STK10: variants seen among roughly 807,000 people sequenced by gnomAD.
STK10 encodes the protein serine/threonine-protein kinase 10.
In STK10, 78 loss-of-function variants were observed where a neutral mutation model predicts 113.8. The observed-to-expected ratio is 0.69, with a 90% CI of 0.57 to 0.83. The LOEUF (loss-of-function observed/expected upper bound fraction) is 0.83, where lower values mean the gene tolerates loss of function less well. Ranked by LOEUF, STK10 falls within the 40% of genes least tolerant of loss-of-function variation. The probability of loss-of-function intolerance (pLI) is 0.00; values close to 1 mark genes in which losing one functional copy is unlikely to be tolerated. For missense variants in STK10, 1,109 were observed against 1,280.1 expected (o/e 0.87, Z 2.04); for synonymous variants, 465 against 494.7 (o/e 0.94, Z 0.80).
chr5:172,170,805 G>A (rs1001909712), intron 1 of STK10, among the ~76,000 whole-genome samples: 23 of 152,206 alleles, frequency 1.5e-4, no homozygotes, highest in African/African-American at 5.3e-4. Context: ...AAGGAGGCGT[G>A]AAAGGTGCCC....
intron 3 of STK10, among the ~76,000 whole-genome samples, chr5:172,125,024 G>A (rs1248850392): frequency 3.9e-5 from 6 of 152,136 alleles, no homozygotes; most frequent in Non-Finnish European, 7.4e-5. Flanking sequence ...TTATGCGTTT[G>A]TTGCAAATTT....
intron 16 of STK10, 27 bp from the exon 17 acceptor site, chr5:172,054,721 C>T: frequency 1.2e-6 from 2 of 1,605,102 alleles, no homozygotes; most frequent in Non-Finnish European, 1.7e-6. Context: ...GTGGGTGCCT[C>T]AGGGGACCAG....
Position 172,057,372 on chromosome 5 carries a change from C to G in STK10, c.2314G>C (p.Glu772Gln), listed in dbSNP as rs1767828346. Residue 772 changes from glutamate to glutamine, a missense_variant, in exon 15 of 19, where the codon GAG becomes CAG. By Grantham distance (29) the Glu-to-Gln change is conservative. Coordinates refer to ENST00000176763, the MANE Select transcript of STK10 (RefSeq NM_005990.4). The stretch of plus-strand genomic sequence containing the variant: ...ACCTTCTCATGCTTGCGCAGCAGCT[C>G]GTGCCGCTGGAGGAAGTACTGGTCT... The part of the protein sequence containing the change: ...LKDQYFLQRH[E>Q]LLRKHEKERE... 1.9e-6 allele frequency: 3 copies of G among 1,570,392 alleles called. No homozygotes were observed. The highest frequency in any genetic ancestry group is 2.1e-4 in the Middle Eastern group (1 of 4,668).
At chr5:172,171,053 A>C (rs975710666) in intron 1 of STK10, among the ~76,000 whole-genome samples, 2 of 152,230 alleles carry the variant, frequency 1.3e-5, no homozygotes, top group Admixed American at 6.5e-5. Context: ...TCCATTCATG[A>C]ACTCTGTTTT....
chr5:172,066,485 C>T (rs1355945820), intron 12 of STK10, among the ~76,000 whole-genome samples: 1 of 152,084 alleles, frequency 6.6e-6, no homozygotes, highest in African/African-American at 2.4e-5. Flanking sequence ...GGGATGAATC[C>T]CAAAGAGAAG....
At chr5:172,163,027 CACGGACCA>C (rs1770501044) in intron 1 of STK10, among the ~76,000 whole-genome samples, 1 of 152,184 alleles carries the variant, frequency 6.6e-6, no homozygotes, top group African/African-American at 2.4e-5. Context: ...TAGTAGGAAC[CACGGACCA>C]AAAAGTGACT....
chr5:172,169,115 G>A (rs943913749), intron 1 of STK10, among the ~76,000 whole-genome samples: 1 of 151,794 alleles, frequency 6.6e-6, no homozygotes, highest in Admixed American at 6.6e-5. Flanking sequence ...CAGCAAAATC[G>A]AACTCAACCC....
intron 1 of STK10, among the ~76,000 whole-genome samples, chr5:172,172,420 C>A (rs767605096): frequency 9.9e-5 from 15 of 152,202 alleles, no homozygotes; most frequent in Admixed American, 2.6e-4. Context: ...CCAAGCTATA[C>A]CCGTGTTCCA....
rs1768450315 is a variant in STK10, at chr5:172,082,287, A to G, written c.1989+39T>C. 1 of 1,468,114 alleles carries G rather than the reference A, an allele frequency of 6.8e-7. No individual in the cohort carries two copies. Among genetic ancestry groups the G allele is most frequent in the African/African-American group, 1.5e-5 (1 of 68,682 alleles). 90.9% of individuals were successfully genotyped at this position (1,468,114 alleles called of 1,614,324 possible). A position where few individuals can be genotyped will look rare whatever the true frequency, so the allele number is the denominator to read the frequency against. ...ACTTGCAACCAAGAAGGCCCCTAAT[A>G]CTCCGAGATGCCCCTGCCCCCACTG... On this transcript the variant is annotated intron_variant, in intron 12 of 18. Coordinates refer to ENST00000176763, the MANE Select transcript of STK10 (RefSeq NM_005990.4). The surrounding 1 kb of genome is among the most constrained non-coding windows in gnomAD (Gnocchi z 4.3).
chr5:172,164,484 TG>T (rs1275758348), intron 1 of STK10, among the ~76,000 whole-genome samples: 4 of 152,200 alleles, frequency 2.6e-5, no homozygotes, highest in African/African-American at 9.7e-5. Context: ...AGAAAACCGA[TG>T]CTTAGAGAGA....
intron 1 of STK10, among the ~76,000 whole-genome samples, chr5:172,172,313 C>A (rs998437621): frequency 1.4e-4 from 22 of 152,238 alleles, no homozygotes; most frequent in African/African-American, 5.3e-4. Flanking sequence ...TTGAGCAGCT[C>A]CCTATCATGG....
chr5:172,055,022 T>C (rs1451372026), intron 16 of STK10, among the ~76,000 whole-genome samples: 1 of 151,980 alleles, frequency 6.6e-6, no homozygotes, highest in African/African-American at 2.4e-5. Flanking sequence ...GCTGGCCAAA[T>C]AAAAGTGTGG....
chr5:172,071,304 A>G (rs1768176935), intron 12 of STK10, among the ~76,000 whole-genome samples: 1 of 144,900 alleles, frequency 6.9e-6, no homozygotes. Flanking sequence ...AAAAAAGAAG[A>G]AGAAATAGAT....
intron 1 of STK10, among the ~76,000 whole-genome samples, chr5:172,157,959 C>G (rs1355965719): frequency 6.6e-6 from 1 of 152,146 alleles, no homozygotes; most frequent in Non-Finnish European, 1.5e-5. Context: ...CACGCACTAA[C>G]AGTAGAATGA....
At position 172,137,450 on chromosome 5, in the gene STK10, A is replaced by AT. The variant is rs529573395; in HGVS notation, c.322-10030dup. ...TACCACATTAACACGATGAAAGGAG[A>AT]TAAAAAAAAACTACGTGATCATCTC... is the stretch of plus-strand genomic sequence containing the variant. On this transcript the variant is annotated intron_variant, in intron 2 of 18. Transcript: ENST00000176763. Among the ~76,000 whole-genome samples, 417 of 152,276 alleles carry AT rather than the reference A, an allele frequency of 2.7e-3. 3 individuals are homozygous for AT. The highest frequency in any genetic ancestry group is 9.6e-3 in the African/African-American group (400 of 41,554).
intron 4 of STK10, among the ~76,000 whole-genome samples, chr5:172,110,584 T>C (rs528595599): frequency 6.6e-6 from 1 of 151,630 alleles, no homozygotes; most frequent in South Asian, 2.1e-4. Flanking sequence ...CAGAGAAAAC[T>C]GCAAACAGAC....
intron 12 of STK10, among the ~76,000 whole-genome samples, chr5:172,073,524 C>T (rs986586336): frequency 1.3e-5 from 2 of 152,080 alleles, no homozygotes; most frequent in African/African-American, 4.8e-5. Context: ...TCTCAAACTC[C>T]TGGCCTCAAG....
At chr5:172,169,183 C>T (rs757838594) in intron 1 of STK10, among the ~76,000 whole-genome samples, 28 of 152,214 alleles carry the variant, frequency 1.8e-4, no homozygotes, top group Admixed American at 5.9e-4. Context: ...ACTAGAATCT[C>T]TTTGCACCTT....
chr5:172,187,471 T>G lies in STK10; in HGVS notation c.156+416A>C, dbSNP rs974907359. On this transcript the variant is annotated intron_variant, in intron 1 of 18. Coordinates refer to ENST00000176763, the MANE Select transcript of STK10 (RefSeq NM_005990.4). This position sits in a 1 kb window ranked among gnomAD's most constrained non-coding sequence, Gnocchi z 4.6. ...TTCTCGGTCCACATCGCCTCGATATTCCCACAGCATCTGTGGTCTCTCTTA... is the reference window on the plus strand; with the variant it reads ...TTCTCGGTCCACATCGCCTCGATATGCCCACAGCATCTGTGGTCTCTCTTA... Among the ~76,000 whole-genome samples, 2 of 151,776 alleles carry G rather than the reference T, an allele frequency of 1.3e-5. No individual in the cohort carries two copies. Among genetic ancestry groups the G allele is most frequent in the African/African-American group, 4.9e-5 (2 of 41,172 alleles).
Sources: gnomAD v4.1 joint callset for allele counts (sites outside exome capture counted in the v4.1 genomes callset) on GRCh38, gnomAD v4.1.1 for gene constraint, Gnocchi (gnomAD v3.1) non-coding constraint, MANE v1.5 for transcripts, NCBI Gene and HGNC (gene_info 2026-07-23, HGNC 2026-07-21) for gene names.